The following CAMTA1 variants were observed in gnomAD, a reference collection of about 807,000 sequenced individuals.
CAMTA1 encodes calmodulin binding transcription activator 1.
In CAMTA1, 27 loss-of-function variants were observed where a neutral mutation model predicts 170.9. The observed-to-expected ratio is 0.16, with a 90% CI of 0.12 to 0.22. The LOEUF is 0.22. Ranked by LOEUF, CAMTA1 falls within the 10% of genes least tolerant of loss-of-function variation. The pLI is 1.00. For synonymous variants in CAMTA1, 833 were observed against 891.5 expected, an observed-to-expected ratio of 0.93 and a Z score of 1.17; for missense variants, 1,619 against 2,217.2, an observed-to-expected ratio of 0.73 and a Z score of 5.42.
At chr1:7,337,600 G>A (rs1320183089) in intron 5 of CAMTA1, among the ~76,000 whole-genome samples, 1 of 150,782 alleles carries the variant, frequency 6.6e-6, no homozygotes, top group African/African-American at 2.5e-5. Flanking sequence ...TGGGCAGTGG[G>A]CCTCATCCAA....
chr1:6,790,079 T>C (rs897702156), intron 1 of CAMTA1, among the ~76,000 whole-genome samples: 28 of 152,062 alleles, frequency 1.8e-4, no homozygotes, highest in Non-Finnish European at 4.4e-5. Flanking sequence ...CTCCCTTGCC[T>C]CAGCCTCCCA....
intron 3 of CAMTA1, among the ~76,000 whole-genome samples, chr1:6,862,069 T>A (rs1664925400): frequency 6.6e-6 from 1 of 152,004 alleles, no homozygotes; most frequent in South Asian, 2.1e-4. Context: ...TTCAAGCTAT[T>A]CTCCTGCCTC....
chr1:7,600,257 A>G (rs992497315), intron 6 of CAMTA1, among the ~76,000 whole-genome samples: 7 of 152,146 alleles, frequency 4.6e-5, no homozygotes, highest in Non-Finnish European at 7.3e-5. Flanking sequence ...TGATTTGCGT[A>G]TGTTGAACCA....
At chr1:7,139,117 A>T (rs1289373678) in intron 4 of CAMTA1, among the ~76,000 whole-genome samples, 2 of 126,988 alleles carry the variant, frequency 1.6e-5, no homozygotes, top group African/African-American at 6.2e-5. Context: ...AATAAACAAA[A>T]TATATTTTTA....
chr1:6,825,881 A>G (rs1027094412), intron 3 of CAMTA1, among the ~76,000 whole-genome samples: 2 of 152,172 alleles, frequency 1.3e-5, no homozygotes, highest in African/African-American at 4.8e-5. Flanking sequence ...TGAAATCTGA[A>G]TATTTCAATT....
chr1:6,844,417 A>G (rs1403604895), intron 3 of CAMTA1, among the ~76,000 whole-genome samples: 4 of 151,858 alleles, frequency 2.6e-5, no homozygotes, highest in Non-Finnish European at 5.9e-5. Context: ...TCGCGCCAGT[A>G]ATCCCAGCAC....
chr1:7,655,562 A>G (rs1010655385), intron 7 of CAMTA1, among the ~76,000 whole-genome samples: 1 of 149,432 alleles, frequency 6.7e-6, no homozygotes, highest in African/African-American at 2.5e-5. Flanking sequence ...CTATACACAC[A>G]AACACACCCA....
At chr1:7,504,557 A>C (rs1446506574) in intron 6 of CAMTA1, among the ~76,000 whole-genome samples, 1 of 152,244 alleles carries the variant, frequency 6.6e-6, no homozygotes, top group Admixed American at 6.5e-5. Flanking sequence ...TCCAAGATCA[A>C]GCTTTTGGGG....
intron 9 of CAMTA1, among the ~76,000 whole-genome samples, chr1:7,668,413 ACACACACACACACACACACC>A (rs1367167733): frequency 3.5e-5 from 5 of 143,570 alleles, no homozygotes; most frequent in African/African-American, 1.1e-4. Flanking sequence ...ACACACACAC[ACACACACACACACACACACC>A]CACCACACAC....
Position 7,388,972 on chromosome 1 carries a change from G to A in CAMTA1, c.439-78858G>A, listed in dbSNP as rs961395240. On this transcript the variant is annotated intron_variant, in intron 5 of 22. Coordinates refer to ENST00000303635, the MANE Select transcript of CAMTA1 (RefSeq NM_015215.4). ...TGCCGGACTGGGGCAGGGCCCTAAC[G>A]CTCTGTTGTTACACTCTCCATCCCC... 3.9e-5 allele frequency among the ~76,000 whole-genome samples: 6 copies of A among 152,276 alleles called. No individual in the cohort carries two copies. In the East Asian group the frequency reaches 7.7e-4, roughly 20 times the overall value.
intron 6 of CAMTA1, among the ~76,000 whole-genome samples, chr1:7,471,575 A>C (rs2093330972): frequency 1.3e-5 from 2 of 152,214 alleles, no homozygotes; most frequent in Non-Finnish European, 1.5e-5. Flanking sequence ...ATTTTCTAGA[A>C]GGATTTCTGA....
chr1:7,609,438 A>C lies in CAMTA1; in HGVS notation c.511-30962A>C, dbSNP rs1341898767. 6.6e-6 allele frequency among the ~76,000 whole-genome samples: 1 copy of C among 152,142 alleles called. No individual in the cohort carries two copies. Among genetic ancestry groups the C allele is most frequent in the African/African-American group, 2.4e-5 (1 of 41,464 alleles). On this transcript the variant is annotated intron_variant, in intron 6 of 22. Coordinates refer to ENST00000303635, the MANE Select transcript of CAMTA1 (RefSeq NM_015215.4). This position sits in a 1 kb window ranked among gnomAD's most constrained non-coding sequence, Gnocchi z 4.4. ...TGCTCAACTTTGGGTGTTAACAGCA[A>C]ATCAAAGCCCCTCAGTGAGGGCAGC...
At position 7,480,206 on chromosome 1, in the gene CAMTA1, A is replaced by C; in HGVS notation, c.510+12305A>C. On this transcript the variant is annotated intron_variant, in intron 6 of 22. Transcript: ENST00000303635. ...CAGTGCATGTGTGTGCATGTGTGTG[A>C]GTGCATGTGTGTACGTGTGTGTGAG... Among the ~76,000 whole-genome samples the C allele has an allele frequency of 4.8e-5, 3 of 62,880 alleles. No homozygotes were observed. The South Asian group carries it at 1.6e-3, about 33-fold the overall frequency. The allele number at this position is 62,880 out of a possible 152,430, so 41.3% of individuals were successfully genotyped here. A position where few individuals can be genotyped will look rare whatever the true frequency, so the allele number is the denominator to read the frequency against.
In CAMTA1 at chr1:6,887,520, A is replaced by T; in HGVS notation, c.234+62310A>T. 7.5e-7 allele frequency: 1 copy of T among 1,332,904 alleles called. No individual in the cohort carries two copies. The highest frequency in any genetic ancestry group is 1.0e-6 in the Non-Finnish European group (1 of 996,392). The allele number at this position is 1,332,904 out of a possible 1,614,324, so 82.6% of individuals were successfully genotyped here. ...CATCTGTATACGTATGTGTGTGTTT[A>T]ATATATACTTTAGTTTGCCTTTACC... On this transcript the variant is annotated intron_variant, in intron 3 of 22. Coordinates refer to ENST00000303635, the MANE Select transcript of CAMTA1 (RefSeq NM_015215.4). This position sits in a 1 kb window ranked among gnomAD's most constrained non-coding sequence, Gnocchi z 4.1.
intron 3 of CAMTA1, among the ~76,000 whole-genome samples, chr1:6,925,725 T>C (rs1377726644): frequency 6.6e-6 from 1 of 152,292 alleles, no homozygotes; most frequent in African/African-American, 2.4e-5. Context: ...CTGGCACCCA[T>C]AAGTGGAGCC....
At chr1:7,522,817 G>A (rs766654935) in intron 6 of CAMTA1, among the ~76,000 whole-genome samples, 4 of 152,146 alleles carry the variant, frequency 2.6e-5, no homozygotes, top group Admixed American at 2.6e-4. Flanking sequence ...AATAAGTTGA[G>A]TGTGTTTGTT....
At chr1:7,196,095 CAGG>C (rs1279075920) in intron 4 of CAMTA1, among the ~76,000 whole-genome samples, 1 of 152,080 alleles carries the variant, frequency 6.6e-6, no homozygotes, top group Non-Finnish European at 1.5e-5. Context: ...GAGGGGCCTG[CAGG>C]AGGTGATTGA....
At chr1:7,369,234 A>C (rs1416559801) in intron 5 of CAMTA1, 2 of 152,198 alleles carry the variant, frequency 1.3e-5, no homozygotes, top group Non-Finnish European at 2.9e-5. Flanking sequence ...CAGCTTGCCC[A>C]TTCTGTAGGT....
At chr1:7,545,207 A>G (rs1470214702) in intron 6 of CAMTA1, among the ~76,000 whole-genome samples, 2 of 152,228 alleles carry the variant, frequency 1.3e-5, no homozygotes, top group African/African-American at 2.4e-5. Flanking sequence ...ACAATCAGAC[A>G]TACTAAAAAG....
Sources: gnomAD v4.1 joint callset for allele counts (sites outside exome capture counted in the v4.1 genomes callset) on GRCh38, gnomAD v4.1.1 for gene constraint, Gnocchi (gnomAD v3.1) non-coding constraint, MANE v1.5 for transcripts, NCBI Gene and HGNC (gene_info 2026-07-23, HGNC 2026-07-21) for gene names.